ADAM19: variants seen among roughly 807,000 people sequenced by gnomAD.
ADAM19 encodes the protein disintegrin and metalloproteinase domain-containing protein 19.
In ADAM19, 65 loss-of-function variants were observed where a neutral mutation model predicts 114.7. The ratio of observed to expected loss-of-function variants is 0.57; its 90% CI spans 0.46 to 0.70. ADAM19 has a LOEUF of 0.70. ADAM19 is among the 30% of genes least tolerant of loss of function. The pLI is 0.00. For missense variants in ADAM19, 1,063 were observed against 1,204.7 expected (o/e 0.88, Z 1.74); for synonymous variants, 466 against 460.5 (o/e 1.01, Z -0.15).
intron 3 of ADAM19, among the ~76,000 whole-genome samples, chr5:157,559,661 G>A (rs1488301509): frequency 6.6e-6 from 1 of 152,198 alleles, no homozygotes; most frequent in Non-Finnish European, 1.5e-5. Context: ...GGGTTCCTGG[G>A]TTGGTGAGGT....
chr5:157,490,660 G>A (rs1055409098), intron 18 of ADAM19, among the ~76,000 whole-genome samples: 1 of 152,072 alleles, frequency 6.6e-6, no homozygotes, highest in Admixed American at 6.5e-5. Context: ...TTGGGAGGCC[G>A]CGGTCAGCAG....
At chr5:157,535,061 T>A (rs10077652) in intron 4 of ADAM19, among the ~76,000 whole-genome samples, 79,924 of 151,986 alleles carry the variant, frequency 0.53, 21,576 homozygotes, top group African/African-American at 0.61. Flanking sequence ...GTTGGAAGAG[T>A]TGCTTATGAA....
intron 19 of ADAM19, among the ~76,000 whole-genome samples, chr5:157,489,526 A>G (rs1755076128): frequency 2.6e-5 from 4 of 152,222 alleles, no homozygotes; most frequent in Admixed American, 2.6e-4. Flanking sequence ...AAGACCTGGG[A>G]CTTAAAATCC....
chr5:157,568,217 C>T (rs1304806961), intron 2 of ADAM19: 2 of 152,214 alleles, frequency 1.3e-5, no homozygotes, highest in Non-Finnish European at 2.9e-5. Flanking sequence ...AGGTGATCCA[C>T]CCATCTCGGC....
intron 5 of ADAM19, among the ~76,000 whole-genome samples, chr5:157,520,627 A>C (rs1253966326): frequency 6.6e-6 from 1 of 152,172 alleles, no homozygotes; most frequent in Non-Finnish European, 1.5e-5. Context: ...CTCATCCCTA[A>C]CACGGCAATG....
intron 8 of ADAM19, among the ~76,000 whole-genome samples, chr5:157,510,399 G>A (rs1017097427): frequency 1.1e-4 from 17 of 152,192 alleles, no homozygotes; most frequent in Admixed American, 3.9e-4. Context: ...ACTTGAACCC[G>A]GGAGGCAGGG....
At chr5:157,557,252 G>T (rs1003585638) in intron 3 of ADAM19, among the ~76,000 whole-genome samples, 1 of 152,158 alleles carries the variant, frequency 6.6e-6, no homozygotes, top group Non-Finnish European at 1.5e-5. Flanking sequence ...AAACTTAGAA[G>T]GCAAGTGACT....
chr5:157,481,702 A>G, intron 22 of ADAM19, 89 bp downstream of exon 22: 11 of 1,551,830 alleles, frequency 7.1e-6, no homozygotes, highest in Non-Finnish European at 9.6e-6. Flanking sequence ...CACAAGAAGC[A>G]TGAATTGCTT....
intron 3 of ADAM19, among the ~76,000 whole-genome samples, chr5:157,551,412 C>CAAAA (rs58612508): frequency 1.4e-4 from 16 of 118,236 alleles, no homozygotes; most frequent in Admixed American, 3.8e-4. Flanking sequence ...CCCCCAACCC[C>CAAAA]AAAAAAAAAA....
At chr5:157,518,239 A>G (rs1433216644) in intron 7 of ADAM19, among the ~76,000 whole-genome samples, 1 of 151,872 alleles carries the variant, frequency 6.6e-6, no homozygotes, top group Non-Finnish European at 1.5e-5. Flanking sequence ...AAGAAATGTT[A>G]ATCAGACAAC....
chr5:157,519,245 T>C (rs1445314480), intron 6 of ADAM19, among the ~76,000 whole-genome samples: 1 of 152,244 alleles, frequency 6.6e-6, no homozygotes, highest in East Asian at 1.9e-4. Flanking sequence ...ATTTTCAGTA[T>C]GAATCAATAT....
intron 4 of ADAM19, among the ~76,000 whole-genome samples, chr5:157,531,758 GGACACACA>G (rs917745656): frequency 2.6e-5 from 4 of 151,982 alleles, no homozygotes; most frequent in African/African-American, 9.7e-5. Context: ...CAAGAGGGAA[GGACACACA>G]GACACACACA....
intron 4 of ADAM19, among the ~76,000 whole-genome samples, chr5:157,533,270 C>T (rs1169755509): frequency 2.6e-5 from 4 of 152,226 alleles, no homozygotes; most frequent in Non-Finnish European, 5.9e-5. Flanking sequence ...AGAGCCAACC[C>T]CTGTCTTTGC....
Position 157,479,571 on chromosome 5 carries a change from A to T in ADAM19, c.*1378T>A, listed in dbSNP as rs139725404. ...CCACACGGCCCTCCTTCCCTGCTGC[A>T]GGGAAGACAGGAGCCACCGCAGACC... is the stretch of plus-strand genomic sequence containing the variant. On this transcript the variant is annotated 3_prime_UTR_variant, in exon 23 of 23. Coordinates refer to ENST00000257527, the MANE Select transcript of ADAM19 (RefSeq NM_033274.5). 2.6e-4 allele frequency: 254 copies of T among 985,852 alleles called. 1 individual carries two copies. The African/African-American group carries it at 4.2e-3, about 16-fold the overall frequency. 61.1% of individuals were successfully genotyped at this position (985,852 alleles called of 1,614,324 possible). A position where few individuals can be genotyped will look rare whatever the true frequency, so the allele number is the denominator to read the frequency against.
At chr5:157,531,924 C>A (rs1294580512) in intron 4 of ADAM19, among the ~76,000 whole-genome samples, 1 of 152,048 alleles carries the variant, frequency 6.6e-6, no homozygotes, top group Non-Finnish European at 1.5e-5. Context: ...GAGTATGGCC[C>A]CGACAACATC....
At chr5:157,510,079 A>G (rs970922392) in intron 8 of ADAM19, among the ~76,000 whole-genome samples, 2 of 152,318 alleles carry the variant, frequency 1.3e-5, no homozygotes, top group South Asian at 2.1e-4. Context: ...TCTTGTATAT[A>G]GATTTTTTAA....
chr5:157,542,509 T>G (rs1756943187), intron 3 of ADAM19, among the ~76,000 whole-genome samples: 1 of 152,176 alleles, frequency 6.6e-6, no homozygotes, highest in Non-Finnish European at 1.5e-5. Context: ...CCTCTCAATG[T>G]CACACAAGCG....
At chr5:157,510,264 C>T (rs1177000458) in intron 8 of ADAM19, among the ~76,000 whole-genome samples, 5 of 152,164 alleles carry the variant, frequency 3.3e-5, no homozygotes, top group African/African-American at 4.8e-5. Context: ...CACATGAGGT[C>T]GGGAGTTCGA....
At chr5:157,571,426 C>G (rs1757824799) in intron 1 of ADAM19, among the ~76,000 whole-genome samples, 1 of 152,108 alleles carries the variant, frequency 6.6e-6, no homozygotes, top group Non-Finnish European at 1.5e-5. Context: ...CAGAAGTGAA[C>G]TTGGCCTGTT....
Sources: allele counts gnomAD v4.1 joint callset (sites outside exome capture counted in the v4.1 genomes callset), GRCh38; gene constraint gnomAD v4.1.1; transcripts MANE v1.5; gene names NCBI Gene and HGNC (gene_info 2026-07-23, HGNC 2026-07-21).